SCAF1: variants seen among roughly 807,000 people sequenced by gnomAD.
SCAF1 encodes the protein splicing factor, arginine/serine-rich 19.
A neutral mutation model predicts 91.2 loss-of-function variants in SCAF1; 28 were observed. The observed-to-expected ratio is 0.31, with a 90% CI of 0.23 to 0.42. SCAF1 has a LOEUF of 0.42. Ranked by LOEUF, SCAF1 falls within the 10% of genes least tolerant of loss-of-function variation. The pLI, the probability that SCAF1 is intolerant of heterozygous loss-of-function variation, is 1.00. For missense variants in SCAF1, 1,893 were observed against 1,872.1 expected (o/e 1.01, Z -0.21); for synonymous variants, 1,036 against 833.7 (o/e 1.24, Z -4.18).
At position 49,654,780 on chromosome 19, in the gene SCAF1, T is replaced by A; in HGVS notation, c.3528T>A (p.Gly1176=). 6.2e-7 allele frequency: 1 copy of A among 1,613,210 alleles called. No homozygotes were observed. Among genetic ancestry groups the A allele is most frequent in the East Asian group, 2.2e-5 (1 of 44,862 alleles). ...GCAGCCTCCCTCTGGGGGGCTGCGG[T>A]TCGACCCCCCCCACCCCCACCGGGC... ...LPGSLPLGGC[G]STPPTPTGLA... The change falls in exon 9 of 11, where the codon GGT becomes GGA. Residue 1176 remains glycine (G), a synonymous_variant. Coordinates refer to ENST00000360565, the MANE Select transcript of SCAF1 (RefSeq NM_021228.3).
In SCAF1 at chr19:49,658,464, C is replaced by T. The variant is rs971987415; in HGVS notation, c.*65C>T. On this transcript the variant is annotated 3_prime_UTR_variant, in exon 11 of 11. Transcript: ENST00000360565. The stretch of plus-strand genomic sequence containing the variant: ...TCTGGACGTATTTATGGCTCCACCT[C>T]CCCACCTCCCTCCCCCGTCAGTGGG... The T allele has an allele frequency of 1.0e-4, 85 of 851,792 alleles. No individual in the cohort carries two copies. Among genetic ancestry groups the T allele is most frequent in the Non-Finnish European group, 1.5e-4 (83 of 554,950 alleles). The allele number at this position is 851,792 out of a possible 1,614,324, so 52.8% of individuals were successfully genotyped here. A position where few individuals can be genotyped will look rare whatever the true frequency, so the allele number is the denominator to read the frequency against.
Position 49,652,381 on chromosome 19 carries a change from G to A in SCAF1, c.1992G>A (p.Ala664=). The change falls in exon 7 of 11, where the codon GCG becomes GCA. Residue 664 remains alanine, a synonymous_variant. Coordinates refer to ENST00000360565, the MANE Select transcript of SCAF1 (RefSeq NM_021228.3). The part of the protein sequence containing the change: ...RSGDGSEKAP[A]PAPPPSGSTS... ...GGGATGGCAGCGAGAAGGCCCCGGC[G>A]CCCGCCCCGCCGCCCTCTGGCTCCA... 8.4e-6 allele frequency: 13 copies of A among 1,548,744 alleles called. No homozygotes were observed. Among genetic ancestry groups the A allele is most frequent in the Non-Finnish European group, 9.6e-6 (11 of 1,151,110 alleles).
At position 49,652,233 on chromosome 19, in the gene SCAF1, C is replaced by A. The variant is rs1335564259; in HGVS notation, c.1844C>A (p.Pro615Gln). 3.4e-5 allele frequency: 47 copies of A among 1,367,978 alleles called. No homozygotes were observed. The highest frequency in any genetic ancestry group is 4.0e-5 in the Non-Finnish European group (43 of 1,064,284). The allele number at this position is 1,367,978 out of a possible 1,614,324, so 84.7% of individuals were successfully genotyped here. ...KRRRRRRSAS[P>Q]PPATSSSSSS... ...CGACGGCGGCGGCGCTCCGCCTCCC[C>A]GCCCCCGGCCACTTCCTCATCGTCG... The change falls in exon 7 of 11, where the codon CCG becomes CAG. Residue 615 changes from proline to glutamine, a missense_variant. Physicochemically the swap from Pro to Gln is moderately conservative, Grantham distance 76. Around this residue, in one of 5 missense-constraint regions of SCAF1, gnomAD observed 1,436 missense variants for 1,306.8 expected, o/e 1.10. Transcript: ENST00000360565.
At chr19:49,657,637 C>T in intron 9 of SCAF1, 124 bp from the exon 10 acceptor site, 1 of 1,269,420 alleles carries the variant, frequency 7.9e-7, no homozygotes, top group South Asian at 1.4e-5. Flanking sequence ...AGCAGGACTT[C>T]CAGCCTGAGA....
In SCAF1 at chr19:49,654,723, G is replaced by A. The variant is rs61741228; in HGVS notation, c.3471G>A (p.Leu1157=). 1.0e-3 allele frequency: 1,622 copies of A among 1,613,984 alleles called. 17 individuals are homozygous for A. In the African/African-American group the frequency reaches 0.019, roughly 19 times the overall value. The change falls in exon 9 of 11, where the codon CTG becomes CTA. Residue 1157 remains leucine (L), a synonymous_variant. Coordinates refer to ENST00000360565, the MANE Select transcript of SCAF1 (RefSeq NM_021228.3). ...TPAPVPTSLG[L]PPGPSSYLLP... ...CTCCTGTGCCCACCTCTTTGGGTCTGCCCCCTGGCCCCTCCAGCTACCTGC... is the reference window on the plus strand; with the variant it reads ...CTCCTGTGCCCACCTCTTTGGGTCTACCCCCTGGCCCCTCCAGCTACCTGC...
rs769528741 is a variant in SCAF1, at chr19:49,653,055, A to G, written c.2666A>G (p.Lys889Arg). ...GAGCGGGCCCCCACTGAGATGGCCAAAGCAGCTCCGGGCAGCACCAAGCCC... is the reference window on the plus strand; with the variant it reads ...GAGCGGGCCCCCACTGAGATGGCCAGAGCAGCTCCGGGCAGCACCAAGCCC... The part of the protein sequence containing the change: ...PDERAPTEMA[K>R]AAPGSTKPKK... The change falls in exon 7 of 11, where the codon AAA becomes AGA. Residue 889 changes from lysine (K) to arginine (R), a missense_variant. By Grantham distance (26) the Lys-to-Arg change is conservative. Transcript: ENST00000360565. The G allele has an allele frequency of 8.1e-6, 13 of 1,613,918 alleles. No homozygotes were observed. The East Asian group carries it at 1.1e-4, about 14-fold the overall frequency.
intron 9 of SCAF1, among the ~76,000 whole-genome samples, chr19:49,655,305 G>T (rs1308578427): frequency 6.6e-6 from 1 of 152,136 alleles, no homozygotes; most frequent in Non-Finnish European, 1.5e-5. Context: ...AGCTGCTCTG[G>T]CCGGCTCCTA....
Position 49,652,029 on chromosome 19 carries a change from C to T in SCAF1, c.1640C>T (p.Ala547Val). 2 of 1,227,382 alleles carry T rather than the reference C, an allele frequency of 1.6e-6. No individual in the cohort carries two copies. The highest frequency in any genetic ancestry group is 5.3e-5 in the East Asian group (1 of 18,788). 76.0% of individuals were successfully genotyped at this position (1,227,382 alleles called of 1,614,324 possible). A position where few individuals can be genotyped will look rare whatever the true frequency, so the allele number is the denominator to read the frequency against. The change falls in exon 7 of 11, where the codon GCC (alanine) becomes GTC (valine). Residue 547 changes from alanine (A) to valine (V), a missense_variant. By Grantham distance (64) the Ala-to-Val change is moderately conservative. Coordinates refer to ENST00000360565, the MANE Select transcript of SCAF1 (RefSeq NM_021228.3). ...SGTQPAPPAP[A>V]SPWDSKKHRS... is the part of the protein sequence containing the mutation. Reference sequence around the variant, plus strand: ...ACCCAGCCAGCGCCGCCCGCCCCGGCCTCGCCCTGGGACTCCAAGAAGCAC... The same window carrying T: ...ACCCAGCCAGCGCCGCCCGCCCCGGTCTCGCCCTGGGACTCCAAGAAGCAC...
chr19:49,652,686 AGG>A lies in SCAF1; in HGVS notation c.2300_2301del (p.Gly767ValfsTer10). On this transcript the variant is annotated frameshift_variant, in exon 7 of 11. Transcript: ENST00000360565. LOFTEE classifies it high-confidence loss of function. ...TCCTCCTCCTCCTCTTCCCGGGAGA[AGG>A]GGTCTCGTCGGAAGGCGCTGGACGG... 1 of 1,570,116 alleles carries A rather than the reference AGG, an allele frequency of 6.4e-7. No homozygotes were observed. Among genetic ancestry groups the A allele is most frequent in the Non-Finnish European group, 8.6e-7 (1 of 1,157,626 alleles).
chr19:49,652,752 G>C lies in SCAF1; in HGVS notation c.2363G>C (p.Arg788Thr). Reference protein sequence around the residue: ...RDRDRDRDRDRDRSSKKARPP... With the variant: ...RDRDRDRDRDTDRSSKKARPP... ...CGGGACAGGGACAGAGATAGGGACA[G>C]GGACAGGTCATCCAAGAAGGCCCGG... The change falls in exon 7 of 11, where the codon AGG becomes ACG. Residue 788 changes from arginine (R) to threonine (T), a missense_variant. Arg to Thr is a moderately conservative substitution (Grantham distance 71). This residue lies in a region of SCAF1 where 1,436 missense variants were observed against 1,306.8 expected (regional missense o/e 1.10). Transcript: ENST00000360565. The C allele has an allele frequency of 6.2e-7, 1 of 1,610,526 alleles. No homozygotes were observed. Among genetic ancestry groups the C allele is most frequent in the Non-Finnish European group, 8.5e-7 (1 of 1,178,732 alleles).
chr19:49,642,788 C>T lies in SCAF1; in HGVS notation c.-7+546C>T, dbSNP rs1016778598. 1.3e-5 allele frequency: 2 copies of T among 152,278 alleles called. No individual in the cohort carries two copies. The highest frequency in any genetic ancestry group is 2.9e-5 in the Non-Finnish European group (2 of 68,102). The allele number at this position is 152,278 out of a possible 1,614,324, so 9.4% of individuals were successfully genotyped here. On this transcript the variant is annotated intron_variant, in intron 1 of 10. Transcript: ENST00000360565. The surrounding 1 kb of genome is among the most constrained non-coding windows in gnomAD (Gnocchi z 4.0). ...TCTGCATAAGTCTGGGGCCATTTAT[C>T]AGGCCTAGAAGGAGTGTTCAAGGGC...
rs993219511 is a variant in SCAF1, at chr19:49,653,191, G to C, written c.2802G>C (p.Gly934=). 3.2e-6 allele frequency: 5 copies of C among 1,561,458 alleles called. No homozygotes were observed. In the African/African-American group the frequency reaches 6.8e-5, roughly 21 times the overall value. ...RKKVRSGGGS[G]GSGGQVSLKK... ...AGGTCCGCAGTGGAGGTGGCAGCGG[G>C]GGCAGTGGTGGCCAGGTGTCGCTGA... Residue 934 remains glycine (G), a synonymous_variant, in exon 7 of 11, where the codon GGG becomes GGC. Coordinates refer to ENST00000360565, the MANE Select transcript of SCAF1 (RefSeq NM_021228.3).
Position 49,653,319 on chromosome 19 carries a change from C to T in SCAF1, c.2930C>T (p.Pro977Leu), listed in dbSNP as rs376117071. 3.5e-5 allele frequency: 51 copies of T among 1,465,022 alleles called. No homozygotes were observed. Among genetic ancestry groups the T allele is most frequent in the East Asian group, 2.0e-4 (8 of 40,272 alleles). 90.8% of individuals were successfully genotyped at this position (1,465,022 alleles called of 1,614,324 possible). ...EERAAKVPST[P>L]PPKAAPPPPA... Reference sequence around the variant, plus strand: ...CGGGCAGCCAAGGTTCCTAGCACCCCGCCCCCCAAGGCAGCCCCACCACCC... The same window carrying T: ...CGGGCAGCCAAGGTTCCTAGCACCCTGCCCCCCAAGGCAGCCCCACCACCC... The change falls in exon 7 of 11, where the codon CCG (proline) becomes CTG (leucine). Residue 977 changes from proline to leucine, a missense_variant. Transcript: ENST00000360565.
Position 49,650,878 on chromosome 19 carries a change from G to A in SCAF1, c.489G>A (p.Gln163=). The A allele has an allele frequency of 6.2e-7, 1 of 1,609,816 alleles. No homozygotes were observed. The highest frequency in any genetic ancestry group is 1.1e-5 in the South Asian group (1 of 90,516). ...CCTGTTCCTTTGCAGTTTCTCCACA[G>A]TCGAACTCCTCTAGGCCCACCTGTG... The part of the protein sequence containing the change: ...AWRTGKTVSP[Q]SNSSRPTCAR... Residue 163 remains glutamine (Q), a synonymous_variant, in exon 7 of 11, where the codon CAG becomes CAA. Coordinates refer to ENST00000360565, the MANE Select transcript of SCAF1 (RefSeq NM_021228.3).
intron 6 of SCAF1, among the ~76,000 whole-genome samples, chr19:49,647,886 G>A (rs1305615602): frequency 1.3e-5 from 2 of 151,896 alleles, no homozygotes; most frequent in Non-Finnish European, 2.9e-5. Flanking sequence ...GCCCGCCTCA[G>A]CCTCCCACAG....
In SCAF1 at chr19:49,653,367, A is replaced by T; in HGVS notation, c.2978A>T (p.Gln993Leu). Residue 993 changes from glutamine to leucine, a missense_variant, in exon 7 of 11, where the codon CAG becomes CTG. By Grantham distance (113) the Gln-to-Leu change is moderately radical (BLOSUM62 -2). Transcript: ENST00000360565. ...PPPPALTPDS[Q>L]TVDSSCKTPE... ...CCCCCTGCCCTCACTCCGGACTCGC[A>T]GACCGTGGACAGCAGCTGCAAGACA... is the stretch of plus-strand genomic sequence containing the variant. 6.6e-7 allele frequency: 1 copy of T among 1,505,656 alleles called. No homozygotes were observed. Among genetic ancestry groups the T allele is most frequent in the Non-Finnish European group, 8.9e-7 (1 of 1,125,094 alleles). 93.3% of individuals were successfully genotyped at this position (1,505,656 alleles called of 1,614,324 possible).
chr19:49,653,741 G>A, intron 7 of SCAF1, 36 bp downstream of exon 7: 1 of 1,475,656 alleles, frequency 6.8e-7, no homozygotes, highest in Non-Finnish European at 9.0e-7. Context: ...TGCTGGGGCA[G>A]GTGAGACAGG....
At chr19:49,641,193 T>C (rs1215584211), upstream of SCAF1, among the ~76,000 whole-genome samples, 1 of 152,136 alleles carries the variant, frequency 6.6e-6, no homozygotes, top group Non-Finnish European at 1.5e-5. Context: ...ATCAGACTCC[T>C]GAGTCGGAGG....
rs2122489163 is a variant in SCAF1, at chr19:49,651,778, A to G, written c.1389A>G (p.Leu463=). ...SDGEGALQVD[L]GEPAPAPPAA... ...GCGAGGGCGCCCTGCAGGTGGACCT[A>G]GGGGAGCCGGCTCCCGCGCCGCCCG... Residue 463 remains leucine (L), a synonymous_variant, in exon 7 of 11, where the codon CTA becomes CTG. Coordinates refer to ENST00000360565, the MANE Select transcript of SCAF1 (RefSeq NM_021228.3). 1 of 1,255,178 alleles carries G rather than the reference A, an allele frequency of 8.0e-7. No individual in the cohort carries two copies. The highest frequency in any genetic ancestry group is 1.0e-6 in the Non-Finnish European group (1 of 1,000,042). The allele number at this position is 1,255,178 out of a possible 1,614,324, so 77.8% of individuals were successfully genotyped here.
Sources: gnomAD v4.1 joint callset for allele counts (sites outside exome capture counted in the v4.1 genomes callset) on GRCh38, gnomAD v4.1.1 for gene constraint, gnomAD v4.1.1 regional missense constraint, Gnocchi (gnomAD v3.1) non-coding constraint, MANE v1.5 for transcripts, NCBI Gene and HGNC (gene_info 2026-07-23, HGNC 2026-07-21) for gene names.